BRF1: variants seen among roughly 807,000 people sequenced by gnomAD.
BRF1 encodes BRF1 general transcription factor IIIB subunit, also known as transcription factor IIIB 90 kDa subunit.
Under a neutral mutation model 81.7 loss-of-function variants are expected in BRF1, and 59 were observed. That is an observed-to-expected ratio of 0.72 (90% CI 0.59 to 0.90). The LOEUF (loss-of-function observed/expected upper bound fraction) is 0.90. Among genes scored for constraint, BRF1 ranks in the 40% least tolerant of loss-of-function variants. BRF1 has a pLI of 0.00. For missense variants in BRF1, 1,050 were observed against 936.3 expected, an observed-to-expected ratio of 1.12 and a Z score of -1.58; for synonymous variants, 491 against 395.6, an observed-to-expected ratio of 1.24 and a Z score of -2.86.
chr14:105,219,998 C>T, intron 12 of BRF1, 71 bp downstream of exon 12: 1 of 1,580,826 alleles, frequency 6.3e-7, no homozygotes, highest in Non-Finnish European at 8.6e-7. Context: ...CCCGCCCGAC[C>T]ACTCAGGGCT....
At chr14:105,250,361 G>A (rs767129420) in intron 5 of BRF1, 3 of 1,613,708 alleles carry the variant, frequency 1.9e-6, no homozygotes, top group Non-Finnish European at 8.5e-7. Context: ...CTCTGGGAAG[G>A]CTGAGTACAG....
At chr14:105,308,186 C>T (rs587754973) in intron 1 of BRF1, among the ~76,000 whole-genome samples, 1 of 147,320 alleles carries the variant, frequency 6.8e-6, no homozygotes, top group Non-Finnish European at 1.5e-5. Flanking sequence ...CTGTCCCCCC[C>T]AAAAAAACAA....
Position 105,300,472 on chromosome 14 carries a change from G to A in BRF1, c.158C>T (p.Ala53Val). The change falls in exon 1 of 18, where the codon GCC becomes GTC. Residue 53 changes from alanine (A) to valine (V), a missense_variant. By Grantham distance (64) the Ala-to-Val change is moderately conservative. Around this residue, in one of 2 missense-constraint regions of BRF1, gnomAD observed 1,043 missense variants for 915.4 expected, o/e 1.14. Coordinates refer to ENST00000547530, the MANE Select transcript of BRF1 (RefSeq NM_001519.4). ...FVESSGGGSS[A>V]VGQFVSLDGA... ...GTCCAGGGACACGAACTGGCCCACG[G>A]CCGAGGAGCCGCCGCCGCTGCTCTC... The A allele has an allele frequency of 6.5e-7, 1 of 1,533,602 alleles. No homozygotes were observed. The highest frequency in any genetic ancestry group is 2.5e-5 in the East Asian group (1 of 39,956). 95.0% of individuals were successfully genotyped at this position (1,533,602 alleles called of 1,614,324 possible).
intron 1 of BRF1, among the ~76,000 whole-genome samples, chr14:105,291,501 C>T (rs1208424772): frequency 2.0e-5 from 3 of 152,046 alleles, no homozygotes; most frequent in Non-Finnish European, 4.4e-5. Context: ...CAGGGCGAAA[C>T]CCCGTCTCTA....
At position 105,249,890 on chromosome 14, in the gene BRF1, G is replaced by A. The variant is rs1370758288; in HGVS notation, c.544+2617C>T. 6.2e-7 allele frequency: 1 copy of A among 1,611,460 alleles called. No homozygotes were observed. The highest frequency in any genetic ancestry group is 8.5e-7 in the Non-Finnish European group (1 of 1,180,010). On this transcript the variant is annotated intron_variant, in intron 5 of 17. Transcript: ENST00000547530. Reference sequence around the variant, plus strand: ...GGCCCTACGGTCCGAAGGCTTCTGTGAGATAGACCGGCAGACGCTGGAGAT... The same window carrying A: ...GGCCCTACGGTCCGAAGGCTTCTGTAAGATAGACCGGCAGACGCTGGAGAT...
chr14:105,285,022 C>A (rs1231354356), intron 2 of BRF1, among the ~76,000 whole-genome samples: 1 of 152,120 alleles, frequency 6.6e-6, no homozygotes, highest in African/African-American at 2.4e-5. Flanking sequence ...AAAGAAGACC[C>A]AAATAAATGG....
intron 3 of BRF1, among the ~76,000 whole-genome samples, chr14:105,265,894 C>G (rs2056390001): frequency 7.1e-6 from 1 of 141,290 alleles, no homozygotes; most frequent in Admixed American, 7.0e-5. Context: ...GAGCAAGACT[C>G]CCTCTCAAAA....
At chr14:105,245,783 G>A (rs2055052833) in intron 5 of BRF1, among the ~76,000 whole-genome samples, 1 of 151,108 alleles carries the variant, frequency 6.6e-6, no homozygotes, top group African/African-American at 2.5e-5. Flanking sequence ...CAAAACCGAT[G>A]CAAGACCCAA....
chr14:105,302,033 C>T (rs1346824628), upstream of BRF1, among the ~76,000 whole-genome samples: 4 of 151,636 alleles, frequency 2.6e-5, no homozygotes, highest in Non-Finnish European at 2.9e-5. Flanking sequence ...CAGCTACTCG[C>T]GAGTCTGAGA....
chr14:105,224,478 T>C (rs1892780424), intron 10 of BRF1, among the ~76,000 whole-genome samples: 1 of 152,232 alleles, frequency 6.6e-6, no homozygotes. Context: ...ATAAATTATG[T>C]AGATTACTTT....
chr14:105,296,681 CA>C (rs1056065241), intron 1 of BRF1, among the ~76,000 whole-genome samples: 2 of 70,040 alleles, frequency 2.9e-5, no homozygotes, highest in African/African-American at 5.5e-5. Context: ...GACACCAGCT[CA>C]AAAAAAAAGA....
intron 5 of BRF1, among the ~76,000 whole-genome samples, chr14:105,243,053 T>C (rs587750254): frequency 3.9e-5 from 6 of 152,130 alleles, no homozygotes; most frequent in Non-Finnish European, 7.4e-5. Flanking sequence ...GAGGCGGAGA[T>C]TGCAGTGAGC....
At chr14:105,296,712 T>C (rs2057762932) in intron 1 of BRF1, among the ~76,000 whole-genome samples, 2 of 150,330 alleles carry the variant, frequency 1.3e-5, no homozygotes, top group African/African-American at 4.9e-5. Context: ...AAAAACCTCT[T>C]AGAACAAGTA....
upstream of BRF1, among the ~76,000 whole-genome samples, chr14:105,301,654 T>C (rs1359414926): frequency 1.3e-5 from 2 of 152,236 alleles, no homozygotes; most frequent in East Asian, 1.9e-4. Flanking sequence ...GCCCCGCTAT[T>C]CTCCGTTTTC....
At chr14:105,314,731 G>GGCGGGGCGGA (rs2058485497) in intron 1 of BRF1, 1 of 145,314 alleles carries the variant, frequency 6.9e-6, no homozygotes, top group South Asian at 2.1e-4. Flanking sequence ...CGCCGGGCGG[G>GGCGGGGCGGA]GCGGGGCGGA....
intron 8 of BRF1, 152 bp downstream of exon 8, chr14:105,226,482 C>T (rs1893115901): frequency 2.0e-6 from 3 of 1,481,308 alleles, no homozygotes; most frequent in Non-Finnish European, 2.7e-6. Context: ...TGAGGGGCAT[C>T]CCGGAGCCTC....
intron 2 of BRF1, among the ~76,000 whole-genome samples, chr14:105,275,723 T>C (rs2056854988): frequency 1.3e-5 from 2 of 152,266 alleles, no homozygotes; most frequent in Admixed American, 1.3e-4. Flanking sequence ...AGGGCTGCTA[T>C]GGTCAGAATG....
intron 2 of BRF1, among the ~76,000 whole-genome samples, chr14:105,283,610 C>T (rs762085798): frequency 3.9e-5 from 6 of 152,310 alleles, no homozygotes; most frequent in Admixed American, 2.0e-4. Context: ...ATTTAAAAGG[C>T]TTTTGAAAAG....
intron 3 of BRF1, among the ~76,000 whole-genome samples, chr14:105,266,424 T>A (rs1293840199): frequency 6.6e-6 from 1 of 152,074 alleles, no homozygotes; most frequent in Non-Finnish European, 1.5e-5. Context: ...TAAAAAATTT[T>A]AAAAAATTAA....
Sources: gnomAD v4.1 joint callset for allele counts (sites outside exome capture counted in the v4.1 genomes callset) on GRCh38, gnomAD v4.1.1 for gene constraint, gnomAD v4.1.1 regional missense constraint, MANE v1.5 for transcripts, NCBI Gene and HGNC (gene_info 2026-07-23, HGNC 2026-07-21) for gene names.